The following XKRX variants were observed in gnomAD, a reference collection of about 807,000 sequenced individuals.
XKRX encodes XK-related protein 2.
In XKRX, 11 loss-of-function variants were observed where a neutral mutation model predicts 22.4. The observed-to-expected ratio is 0.49, with a 90% CI of 0.31 to 0.81. The LOEUF (loss-of-function observed/expected upper bound fraction) is 0.81. Among genes scored for constraint, XKRX ranks in the 40% least tolerant of loss-of-function variants. The pLI is 0.05. For missense variants in XKRX, 320 were observed against 336.5 expected (o/e 0.95, Z 0.38); for synonymous variants, 114 against 132.2 (o/e 0.86, Z 0.94).
upstream of XKRX, among the ~76,000 whole-genome samples, chrX:100,931,232 C>T (rs1237336909): frequency 2.7e-5 from 3 of 110,620 alleles, no homozygotes; most frequent in Non-Finnish European, 5.7e-5. Context: ...AGCCTTTCCT[C>T]CTTCTTCTCC....
intron 2 of XKRX, among the ~76,000 whole-genome samples, chrX:100,915,726 GTA>G (rs2085432139): frequency 1.8e-5 from 2 of 109,238 alleles, no homozygotes; most frequent in African/African-American, 6.7e-5. Flanking sequence ...GTGTGTGTGT[GTA>G]TGAATATTAT....
chrX:100,942,305 T>C, the XKRX span, among the ~76,000 whole-genome samples: 2 of 111,928 alleles, frequency 1.8e-5, no homozygotes, highest in Non-Finnish European at 3.8e-5. Flanking sequence ...CTAGGTCAAA[T>C]GCATAAAAAA....
At chrX:100,929,453 A>G (rs893159560), upstream of XKRX, 1 of 111,285 alleles carries the variant, frequency 9.0e-6, no homozygotes, top group African/African-American at 3.3e-5. Flanking sequence ...TAGGAGCAGC[A>G]GGCCCCCACT....
At chrX:100,903,610 T>G in the XKRX span, among the ~76,000 whole-genome samples, 1 of 112,118 alleles carries the variant, frequency 8.9e-6, no homozygotes, top group Non-Finnish European at 1.9e-5. Context: ...TCTACAGCAT[T>G]TGGTATTATC....
chrX:100,887,741 G>C, the XKRX span: 1 of 738,587 alleles, frequency 1.4e-6, no homozygotes, highest in South Asian at 2.1e-5. Flanking sequence ...ATAGGGGCCA[G>C]AGCTTCTGCC....
the XKRX span, among the ~76,000 whole-genome samples, chrX:100,902,017 T>C: frequency 3.8e-5 from 4 of 106,290 alleles, no homozygotes; most frequent in African/African-American, 1.4e-4. Flanking sequence ...AAAAAAGATA[T>C]CACATTTTAG....
At chrX:100,944,629 C>T in the XKRX span, among the ~76,000 whole-genome samples, 5 of 112,368 alleles carry the variant, frequency 4.4e-5, no homozygotes, top group Non-Finnish European at 7.5e-5. Context: ...TCCCCAAGTG[C>T]GGGGATTACA....
At chrX:100,906,852 G>A in the XKRX span, among the ~76,000 whole-genome samples, 1 of 111,314 alleles carries the variant, frequency 9.0e-6, no homozygotes, top group Non-Finnish European at 1.9e-5. Context: ...TCCTTGGTTC[G>A]TGGCCTCTTC....
upstream of XKRX, among the ~76,000 whole-genome samples, chrX:100,933,519 G>A (rs1047903334): frequency 9.4e-6 from 1 of 106,213 alleles, no homozygotes; most frequent in South Asian, 4.2e-4. Flanking sequence ...AAAATCAGTC[G>A]TATCATCTAG....
At chrX:100,932,128 C>T (rs2085523565), upstream of XKRX, among the ~76,000 whole-genome samples, 1 of 111,364 alleles carries the variant, frequency 9.0e-6, no homozygotes, top group South Asian at 3.8e-4. Flanking sequence ...TATTTTCAGC[C>T]CTAGGATTCT....
chrX:100,957,620 C>A, the XKRX span: 1 of 527,320 alleles, frequency 1.9e-6, no homozygotes, highest in Non-Finnish European at 3.1e-6. Flanking sequence ...GATGCAGTGC[C>A]TCTTTTGGAG....
the XKRX span, among the ~76,000 whole-genome samples, chrX:100,943,102 AACTG>A: frequency 2.7e-5 from 3 of 111,396 alleles, no homozygotes; most frequent in Non-Finnish European, 5.7e-5. Flanking sequence ...TTATGCAACT[AACTG>A]ACTGTGTGTG....
chrX:100,936,303 C>T, the XKRX span, among the ~76,000 whole-genome samples: 5 of 109,400 alleles, frequency 4.6e-5, no homozygotes, highest in African/African-American at 1.7e-4. Context: ...CACTTTGGGA[C>T]GCTGAGGTGG....
chrX:100,914,934 T>G lies in XKRX; in HGVS notation c.754A>C (p.Thr252Pro), dbSNP rs1414634622. The G allele has an allele frequency of 8.3e-7, 1 of 1,211,662 alleles. No individual in the cohort carries two copies. The highest frequency in any genetic ancestry group is 1.1e-6 in the Non-Finnish European group (1 of 895,556). ...AGCACCAGAATCAGGAGGCGGGAAG[T>G]GATCTCCAATGTCCGCCAGATGGTG... ...CITIWRTLEITSRLLILVLFS... is the reference protein window; with the variant it reads ...CITIWRTLEIPSRLLILVLFS... Residue 252 changes from threonine to proline, a missense_variant, in exon 3 of 3, where the codon ACT becomes CCT. Thr to Pro is a conservative substitution (Grantham distance 38). Transcript: ENST00000372956.
At chrX:100,919,976 A>G (rs998843965) in intron 2 of XKRX, among the ~76,000 whole-genome samples, 5 of 111,743 alleles carry the variant, frequency 4.5e-5, no homozygotes, top group African/African-American at 1.6e-4. Context: ...TTAGGAAACA[A>G]CTTTTTTGTG....
chrX:100,946,928 C>T, the XKRX span, among the ~76,000 whole-genome samples: 1 of 112,143 alleles, frequency 8.9e-6, no homozygotes, highest in Non-Finnish European at 1.9e-5. Flanking sequence ...ATACCTGGTA[C>T]ACCACCTGTG....
chrX:100,956,271 T>C, the XKRX span, among the ~76,000 whole-genome samples: 1 of 111,596 alleles, frequency 9.0e-6, no homozygotes, highest in South Asian at 3.8e-4. Context: ...ACCTAGGTGA[T>C]GGGATGATCT....
chrX:100,915,709 C>CGCGT (rs1569454298), intron 2 of XKRX, among the ~76,000 whole-genome samples: 16 of 55,621 alleles, frequency 2.9e-4, no homozygotes, highest in African/African-American at 9.6e-4. Flanking sequence ...TGTGTGTGTG[C>CGCGT]GTGTGTGTGT....
chrX:100,942,523 G>A, the XKRX span, among the ~76,000 whole-genome samples: 1 of 112,009 alleles, frequency 8.9e-6, no homozygotes, highest in Admixed American at 9.5e-5. Context: ...CAATCTGGGA[G>A]AGCAGGGGCC....
Sources: gnomAD v4.1 joint callset for allele counts (sites outside exome capture counted in the v4.1 genomes callset) on GRCh38, gnomAD v4.1.1 for gene constraint, MANE v1.5 for transcripts, NCBI Gene and HGNC (gene_info 2026-07-23, HGNC 2026-07-21) for gene names.